The following NIPA1 variants were observed in gnomAD, a reference collection of about 807,000 sequenced individuals.
NIPA1 encodes the protein NIPA magnesium transporter 1, also known as magnesium transporter NIPA1.
Under a neutral mutation model 23.9 loss-of-function variants are expected in NIPA1, and 13 were observed. The observed-to-expected ratio is 0.54, with a 90% CI of 0.35 to 0.87. The LOEUF (loss-of-function observed/expected upper bound fraction) is 0.87. Among genes scored for constraint, NIPA1 ranks in the 40% least tolerant of loss-of-function variants. NIPA1 has a pLI of 0.01. For missense variants in NIPA1, 362 were observed against 429.7 expected, an observed-to-expected ratio of 0.84 and a Z score of 1.39; for synonymous variants, 234 against 202.9, an observed-to-expected ratio of 1.15 and a Z score of -1.30.
Position 22,821,216 on chromosome 15 carries a change from C to T in NIPA1, c.478+743C>T, listed in dbSNP as rs145736438. The stretch of plus-strand genomic sequence containing the variant: ...TCCTGACCTCGTGATCCGCCCACCT[C>T]GCCCTTCCAAAGTGCTGGGATTACA... On this transcript the variant is annotated intron_variant, in intron 4 of 4. Transcript: ENST00000337435. Among the ~76,000 whole-genome samples the T allele has an allele frequency of 2.3e-3, 351 of 152,100 alleles. 4 individuals are homozygous for T. The highest frequency in any genetic ancestry group is 7.8e-3 in the African/African-American group (324 of 41,508).
intron 1 of NIPA1, among the ~76,000 whole-genome samples, chr15:22,809,444 A>G (rs1174018185): frequency 6.6e-6 from 1 of 151,994 alleles, no homozygotes; most frequent in African/African-American, 2.4e-5. Context: ...ACAACAAAAA[A>G]TCTCCTCAAA....
At chr15:22,809,071 A>G (rs1271301234) in intron 1 of NIPA1, among the ~76,000 whole-genome samples, 1 of 152,058 alleles carries the variant, frequency 6.6e-6, no homozygotes, top group African/African-American at 2.4e-5. Flanking sequence ...TGGTTTTCCT[A>G]CTGAGAATAA....
chr15:22,800,772 C>CA (rs1157702565), intron 1 of NIPA1, among the ~76,000 whole-genome samples: 3 of 151,600 alleles, frequency 2.0e-5, no homozygotes, highest in African/African-American at 4.8e-5. Context: ...ACTAAAAATA[C>CA]AAAAAAAATT....
At chr15:22,816,800 A>T (rs1261664064) in intron 3 of NIPA1, among the ~76,000 whole-genome samples, 2 of 151,752 alleles carry the variant, frequency 1.3e-5, no homozygotes, top group Non-Finnish European at 2.9e-5. Flanking sequence ...AGAGGACCTG[A>T]TCTTATATAG....
At chr15:22,794,440 G>T (rs1167249971) in intron 1 of NIPA1, among the ~76,000 whole-genome samples, 5 of 151,986 alleles carry the variant, frequency 3.3e-5, no homozygotes, top group African/African-American at 1.2e-4. Flanking sequence ...TGGCTGCACA[G>T]CAATGTCAGT....
At chr15:22,797,923 C>T (rs1372592858) in intron 1 of NIPA1, among the ~76,000 whole-genome samples, 1 of 150,996 alleles carries the variant, frequency 6.6e-6, no homozygotes, top group Non-Finnish European at 1.5e-5. Flanking sequence ...CGGCTCACTG[C>T]AAGCTCCGCC....
At chr15:22,801,584 C>T (rs1446526588) in intron 1 of NIPA1, among the ~76,000 whole-genome samples, 3 of 146,562 alleles carry the variant, frequency 2.0e-5, no homozygotes, top group South Asian at 2.2e-4. Flanking sequence ...GGCATGATCT[C>T]GGCTCACTGC....
chr15:22,811,908 A>T (rs913984685), intron 2 of NIPA1, among the ~76,000 whole-genome samples: 1 of 152,152 alleles, frequency 6.6e-6, no homozygotes, highest in Non-Finnish European at 1.5e-5. Flanking sequence ...TGCTGCGCCC[A>T]TTTCAGTCAC....
chr15:22,823,999 G>A lies in NIPA1; in HGVS notation c.750G>A (p.Lys250=), dbSNP rs1237699612. The change falls in exon 5 of 5, where the codon AAG becomes AAA. Residue 250 remains lysine, a synonymous_variant. Coordinates refer to ENST00000337435, the MANE Select transcript of NIPA1 (RefSeq NM_144599.5). The part of the protein sequence containing the change: ...SIIVQFRYIN[K]ALECFDSSVF... ...TCGTCCAGTTCAGGTACATCAACAA[G>A]GCGCTGGAGTGCTTCGACTCCTCGG... The A allele has an allele frequency of 6.2e-7, 1 of 1,614,170 alleles. No homozygotes were observed. Among genetic ancestry groups the A allele is most frequent in the Non-Finnish European group, 8.5e-7 (1 of 1,180,032 alleles).
intron 1 of NIPA1, among the ~76,000 whole-genome samples, chr15:22,801,806 C>T (rs188004448): frequency 2.0e-5 from 3 of 152,088 alleles, no homozygotes; most frequent in Admixed American, 6.6e-5. Context: ...TGAGCCACTG[C>T]GCCTGGCTGT....
At chr15:22,821,261 G>T (rs1429519062) in intron 4 of NIPA1, among the ~76,000 whole-genome samples, 1 of 152,104 alleles carries the variant, frequency 6.6e-6, no homozygotes, top group African/African-American at 2.4e-5. Context: ...CACCATGCCC[G>T]TCCTTTTTTT....
chr15:22,791,500 G>GTTTTTTT (rs879593367), intron 1 of NIPA1, among the ~76,000 whole-genome samples: 1 of 45,932 alleles, frequency 2.2e-5, no homozygotes, highest in Non-Finnish European at 3.7e-5. Flanking sequence ...TTTTTTTTTT[G>GTTTTTTT]TGAGACGGAG....
chr15:22,797,475 G>C lies in NIPA1; in HGVS notation c.178+10641G>C, dbSNP rs1420514409. Among the ~76,000 whole-genome samples, 3 of 150,956 alleles carry C rather than the reference G, an allele frequency of 2.0e-5. No individual in the cohort carries two copies. The East Asian group carries it at 5.9e-4, about 29-fold the overall frequency. ...GATCCACCCGCCTCGGCCTCCCAAA[G>C]TGCTGGGATTACAGGCGTGAGTCAC... On this transcript the variant is annotated intron_variant, in intron 1 of 4. Transcript: ENST00000337435.
intron 1 of NIPA1, among the ~76,000 whole-genome samples, chr15:22,797,006 C>T (rs1894951538): frequency 2.0e-5 from 3 of 151,384 alleles, no homozygotes; most frequent in South Asian, 4.2e-4. Flanking sequence ...TTACTCATCT[C>T]TCCACCTGGA....
rs868191390 is a variant in NIPA1 at position 22,825,365 on chromosome 15, A to G, written c.*1126A>G. The G allele has an allele frequency of 3.9e-5, 6 of 152,368 alleles. No individual in the cohort carries two copies. The South Asian group carries it at 1.2e-3, about 32-fold the overall frequency. The allele number at this position is 152,368 out of a possible 1,614,324, so 9.4% of individuals were successfully genotyped here. A position where few individuals can be genotyped will look rare whatever the true frequency, so the allele number is the denominator to read the frequency against. ...CAGAAACATGGTTACGTGGTTCATG[A>G]CTGTATATTCACTGGAAGATAGTCA... On this transcript the variant is annotated 3_prime_UTR_variant, in exon 5 of 5. Transcript: ENST00000337435.
intron 1 of NIPA1, among the ~76,000 whole-genome samples, chr15:22,796,976 G>C (rs958748262): frequency 1.3e-5 from 2 of 151,938 alleles, no homozygotes; most frequent in Non-Finnish European, 2.9e-5. Flanking sequence ...TACAGAAAAT[G>C]GTGGTTCGGA....
At chr15:22,812,008 C>G (rs942567693) in intron 2 of NIPA1, among the ~76,000 whole-genome samples, 155 bp from the exon 3 acceptor site, 1 of 152,224 alleles carries the variant, frequency 6.6e-6, no homozygotes, top group Non-Finnish European at 1.5e-5. Context: ...ACCCCTGACC[C>G]CTTAAATGTG....
chr15:22,788,975 C>T (rs1303783933), intron 1 of NIPA1, among the ~76,000 whole-genome samples: 2 of 143,118 alleles, frequency 1.4e-5, no homozygotes, highest in Non-Finnish European at 3.0e-5. Context: ...ACTATGCTTT[C>T]ATTCATTTAT....
At chr15:22,812,118 A>C in intron 2 of NIPA1, 45 bp from the exon 3 acceptor site, 1 of 1,364,086 alleles carries the variant, frequency 7.3e-7, no homozygotes, top group Non-Finnish European at 1.0e-6. Context: ...GTGCTGGAAG[A>C]GAGCTCTGTA....
Sources: allele counts gnomAD v4.1 joint callset (sites outside exome capture counted in the v4.1 genomes callset), GRCh38; gene constraint gnomAD v4.1.1; transcripts MANE v1.5; gene names NCBI Gene and HGNC (gene_info 2026-07-23, HGNC 2026-07-21).